Variants in ZNF343 observed in about 807,000 individuals in gnomAD.
ZNF343 encodes zinc finger protein 343.
In ZNF343, 11 loss-of-function variants were observed where a neutral mutation model predicts 13.8. That is an observed-to-expected ratio of 0.80 (90% CI 0.50 to 1.32). The LOEUF is 1.32. Ranked by LOEUF, ZNF343 falls within the 40% of genes most tolerant of loss-of-function variation. ZNF343 has a pLI of 0.00. For synonymous variants in ZNF343, 248 were observed against 260.0 expected (o/e 0.95, Z 0.44); for missense variants, 658 against 714.2 (o/e 0.92, Z 0.90).
intron 1 of ZNF343, among the ~76,000 whole-genome samples, chr20:2,507,704 T>C (rs1420432136): frequency 1.3e-5 from 2 of 152,146 alleles, no homozygotes; most frequent in African/African-American, 4.8e-5. Context: ...TATCCACACA[T>C]AGGGTTGAGG....
At chr20:2,491,412 C>CT (rs2085363526) in intron 5 of ZNF343, among the ~76,000 whole-genome samples, 1 of 152,062 alleles carries the variant, frequency 6.6e-6, no homozygotes, top group Non-Finnish European at 1.5e-5. Context: ...AATGTGGTTA[C>CT]TAGGAAATTT....
chr20:2,501,819 T>C (rs6083482), intron 1 of ZNF343, among the ~76,000 whole-genome samples: 38,556 of 152,062 alleles, frequency 0.25, 5,959 homozygotes, highest in Non-Finnish European at 0.35. Context: ...TGTATGTCAC[T>C]ATCATCAAAG....
chr20:2,489,648 G>C (rs530315672), intron 5 of ZNF343, among the ~76,000 whole-genome samples: 7 of 152,288 alleles, frequency 4.6e-5, no homozygotes, highest in Middle Eastern at 3.4e-3. Context: ...AACCACACCT[G>C]AAGTAACCAA....
intron 2 of ZNF343, among the ~76,000 whole-genome samples, chr20:2,496,717 T>C (rs1161330084): frequency 6.6e-6 from 1 of 152,112 alleles, no homozygotes; most frequent in Non-Finnish European, 1.5e-5. Context: ...CCTTATTGTA[T>C]GTCAGTTGTG....
At chr20:2,493,663 G>T in intron 3 of ZNF343, 86 bp from the exon 4 acceptor site, 2 of 1,313,172 alleles carry the variant, frequency 1.5e-6, no homozygotes, top group Non-Finnish European at 2.2e-6. Context: ...GCTCTTCTGA[G>T]CCTTAGGATG....
intron 4 of ZNF343, 94 bp downstream of exon 4, chr20:2,493,425 C>A (rs561816912): frequency 8.2e-7 from 1 of 1,225,818 alleles, no homozygotes; most frequent in African/African-American, 1.5e-5. Flanking sequence ...AGATGTTGAC[C>A]GCCTTTTCCT....
chr20:2,486,270 A>G (rs2085279807), intron 5 of ZNF343, among the ~76,000 whole-genome samples: 1 of 152,094 alleles, frequency 6.6e-6, no homozygotes, highest in Admixed American at 6.5e-5. Context: ...CCCCATGTAT[A>G]CTCACTATGA....
chr20:2,514,265 A>C (rs2122753730), intron 1 of ZNF343, among the ~76,000 whole-genome samples: 1 of 152,340 alleles, frequency 6.6e-6, no homozygotes, highest in African/African-American at 2.4e-5. Context: ...AATTGAGATA[A>C]ATATCACCTT....
At chr20:2,522,240 G>T (rs2085785733) in intron 1 of ZNF343, among the ~76,000 whole-genome samples, 1 of 152,098 alleles carries the variant, frequency 6.6e-6, no homozygotes, top group Non-Finnish European at 1.5e-5. Flanking sequence ...AACAAGTTAG[G>T]TTAAGGACAT....
In ZNF343 at chr20:2,500,702, G is replaced by T. The variant is rs2085547254; in HGVS notation, c.-196C>A. Reference sequence around the variant, plus strand: ...CACAGAAGTCTTTCCTTTCTCAAGAGATCGTCCTCTCCCAGCAGGCAGGGA... The same window carrying T: ...CACAGAAGTCTTTCCTTTCTCAAGATATCGTCCTCTCCCAGCAGGCAGGGA... On this transcript the variant is annotated 5_prime_UTR_variant, in exon 2 of 6. Transcript: ENST00000278772. 1 of 152,254 alleles carries T rather than the reference G, an allele frequency of 6.6e-6. No homozygotes were observed. The highest frequency in any genetic ancestry group is 1.5e-5 in the Non-Finnish European group (1 of 68,072). 9.4% of individuals were successfully genotyped at this position (152,254 alleles called of 1,614,324 possible). A position where few individuals can be genotyped will look rare whatever the true frequency, so the allele number is the denominator to read the frequency against.
chr20:2,484,721 C>G, intron 5 of ZNF343, 65 bp from the exon 6 acceptor site: 1 of 1,447,610 alleles, frequency 6.9e-7, no homozygotes, highest in South Asian at 1.4e-5. Flanking sequence ...TCTGCCTTGT[C>G]TTAGGACAGA....
At chr20:2,517,568 C>G (rs1336272930) in intron 1 of ZNF343, among the ~76,000 whole-genome samples, 1 of 151,496 alleles carries the variant, frequency 6.6e-6, no homozygotes, top group Admixed American at 6.6e-5. Flanking sequence ...GTGGCATCAT[C>G]ATGGCTCACT....
chr20:2,512,475 C>A (rs1290387143), upstream of ZNF343, among the ~76,000 whole-genome samples: 1 of 152,012 alleles, frequency 6.6e-6, no homozygotes, highest in South Asian at 2.1e-4. Flanking sequence ...AGACATAGAC[C>A]AATGGATAGG....
rs1337215701 is a variant in ZNF343, at chr20:2,484,559, G to A, written c.402C>T (p.Gly134=). 3.7e-6 allele frequency: 6 copies of A among 1,614,182 alleles called. 1 individual carries two copies. The highest frequency in any genetic ancestry group is 2.2e-5 in the South Asian group (2 of 91,086). ...LSQHVLQIFL[G]LCAENHFHPG... ...GATGGAAGTGATTTTCTGCACATAA[G>A]CCCAGGAAGATCTGAAGTACATGTT... is the stretch of plus-strand genomic sequence containing the variant. Residue 134 remains glycine, a synonymous_variant, in exon 6 of 6, where the codon GGC becomes GGT. Coordinates refer to ENST00000278772, the MANE Select transcript of ZNF343 (RefSeq NM_024325.6).
chr20:2,506,021 G>C (rs1410235351), intron 1 of ZNF343, among the ~76,000 whole-genome samples: 1 of 151,942 alleles, frequency 6.6e-6, no homozygotes, highest in African/African-American at 2.4e-5. Context: ...TACAGAATGG[G>C]AGAAAATTTT....
chr20:2,523,349 G>A (rs2085790411), intron 1 of ZNF343, among the ~76,000 whole-genome samples: 2 of 151,696 alleles, frequency 1.3e-5, no homozygotes, highest in South Asian at 2.1e-4. Flanking sequence ...TAGTCAGTCC[G>A]GCAGCCCATG....
chr20:2,498,269 T>C (rs1312310189), intron 2 of ZNF343, among the ~76,000 whole-genome samples: 2 of 152,118 alleles, frequency 1.3e-5, no homozygotes, highest in Non-Finnish European at 2.9e-5. Flanking sequence ...GAAAGGAGAA[T>C]CACTTGAACC....
intron 1 of ZNF343, among the ~76,000 whole-genome samples, chr20:2,502,641 G>A (rs1250096980): frequency 1.3e-5 from 2 of 152,186 alleles, no homozygotes; most frequent in African/African-American, 4.8e-5. Flanking sequence ...AGCCAGAAGA[G>A]AGTGGGGGCC....
chr20:2,503,488 C>CA (rs1364561838), intron 1 of ZNF343, among the ~76,000 whole-genome samples: 3 of 152,202 alleles, frequency 2.0e-5, no homozygotes, highest in Non-Finnish European at 4.4e-5. Context: ...CTCTCTACCC[C>CA]AAATCAACAG....
Sources: gnomAD v4.1 joint callset for allele counts (sites outside exome capture counted in the v4.1 genomes callset) on GRCh38, gnomAD v4.1.1 for gene constraint, MANE v1.5 for transcripts, NCBI Gene and HGNC (gene_info 2026-07-23, HGNC 2026-07-21) for gene names.